NAA50: variants seen among roughly 807,000 people sequenced by gnomAD.
NAA50 encodes the protein N-alpha-acetyltransferase 50.
A neutral mutation model predicts 20.7 loss-of-function variants in NAA50; 7 were observed. That is an observed-to-expected ratio of 0.34 (90% CI 0.19 to 0.63). The LOEUF (loss-of-function observed/expected upper bound fraction) is 0.63, where lower values mean the gene tolerates loss of function less well. Among genes scored for constraint, NAA50 ranks in the 30% least tolerant of loss-of-function variants. NAA50 has a pLI of 0.75. For missense variants in NAA50, 111 were observed against 199.1 expected (o/e 0.56, Z 2.66); for synonymous variants, 54 against 70.6 (o/e 0.77, Z 1.18).
chr3:113,723,718 T>A (rs1425853700), intron 2 of NAA50, 177 bp from the exon 3 acceptor site: 5 of 829,944 alleles, frequency 6.0e-6, no homozygotes, highest in Non-Finnish European at 8.8e-6. Flanking sequence ...TCCTCTAGAG[T>A]ATAGCTTAAA....
At chr3:113,742,425 C>CTTTTTT (rs770744656) in intron 1 of NAA50, among the ~76,000 whole-genome samples, 2 of 130,214 alleles carry the variant, frequency 1.5e-5, no homozygotes, top group African/African-American at 2.9e-5. Flanking sequence ...GCATGCCTGG[C>CTTTTTT]TTTTTTTTTT....
chr3:113,725,625 G>C (rs1708189772), intron 1 of NAA50, among the ~76,000 whole-genome samples: 1 of 152,050 alleles, frequency 6.6e-6, no homozygotes, highest in African/African-American at 2.4e-5. Flanking sequence ...ACTTAACCAG[G>C]TGTGGTGGCG....
Position 113,718,380 on chromosome 3 carries a change from G to C in NAA50, c.*3380C>G, listed in dbSNP as rs1452949955. ...CCAGTTAAGCAGCTCCTAGATTCCT[G>C]ATCCAGAACTGTGGAAGGTAATACT... On this transcript the variant is annotated 3_prime_UTR_variant, in exon 5 of 5. Coordinates refer to ENST00000240922, the MANE Select transcript of NAA50 (RefSeq NM_025146.4). 1 of 152,160 alleles carries C rather than the reference G, an allele frequency of 6.6e-6. No individual in the cohort carries two copies. The highest frequency in any genetic ancestry group is 1.9e-4 in the East Asian group (1 of 5,198). The allele number at this position is 152,160 out of a possible 1,614,324, so 9.4% of individuals were successfully genotyped here. A position where few individuals can be genotyped will look rare whatever the true frequency, so the allele number is the denominator to read the frequency against.
intron 1 of NAA50, among the ~76,000 whole-genome samples, chr3:113,727,562 G>C (rs550830105): frequency 6.7e-6 from 1 of 149,736 alleles, no homozygotes; most frequent in Admixed American, 6.6e-5. Flanking sequence ...CCTAAATAGA[G>C]AAAACAATAT....
intron 1 of NAA50, among the ~76,000 whole-genome samples, chr3:113,742,158 A>C (rs940999846): frequency 2.6e-5 from 4 of 152,252 alleles, no homozygotes; most frequent in Admixed American, 6.5e-5. Flanking sequence ...AGAAGGAAGA[A>C]GTATAAACTG....
At chr3:113,741,215 C>T in intron 1 of NAA50, 1 of 470,566 alleles carries the variant, frequency 2.1e-6, no homozygotes, top group Non-Finnish European at 4.2e-6. Flanking sequence ...AGCTGCCCAG[C>T]ATTCCTGCTC....
intron 1 of NAA50, among the ~76,000 whole-genome samples, chr3:113,745,210 G>A (rs1490313384): frequency 1.3e-5 from 2 of 152,166 alleles, no homozygotes; most frequent in Admixed American, 6.5e-5. Context: ...GTGAAAGACC[G>A]AACATTAACT....
chr3:113,723,013 C>G lies in NAA50; in HGVS notation c.266-41G>C, dbSNP rs749909434. ...ATAACAAACACGTGACTTCATAAAT[C>G]AACCTTTAAATTATGTATCTATCCA... On this transcript the variant is annotated intron_variant, in intron 3 of 4. Coordinates refer to ENST00000240922, the MANE Select transcript of NAA50 (RefSeq NM_025146.4). 21 of 1,484,186 alleles carry G rather than the reference C, an allele frequency of 1.4e-5. No homozygotes were observed. In the East Asian group the frequency reaches 5.0e-4, roughly 35 times the overall value. 91.9% of individuals were successfully genotyped at this position (1,484,186 alleles called of 1,614,324 possible).
rs1451060957 is a variant in NAA50 at position 113,721,660 on chromosome 3, GA to G, written c.*99del. On this transcript the variant is annotated 3_prime_UTR_variant, in exon 5 of 5. Transcript: ENST00000240922. ...AAAGAAAAACAAGAACAAGGAGGGA[GA>G]AAAGCTTTAAAAGAAAAGTGTTGGG... 3.2e-6 allele frequency: 4 copies of G among 1,265,912 alleles called. No homozygotes were observed. The highest frequency in any genetic ancestry group is 4.5e-6 in the Non-Finnish European group (4 of 889,070). The allele number at this position is 1,265,912 out of a possible 1,614,324, so 78.4% of individuals were successfully genotyped here. A position where few individuals can be genotyped will look rare whatever the true frequency, so the allele number is the denominator to read the frequency against.
rs1293944645 is a variant in NAA50 at position 113,719,175 on chromosome 3, T to C, written c.*2585A>G. ...CATGGTTTCCCAATAGTTCTCTTTT[T>C]GGAGGACTTTTCAATTGATGAGTAA... On this transcript the variant is annotated 3_prime_UTR_variant, in exon 5 of 5. Coordinates refer to ENST00000240922, the MANE Select transcript of NAA50 (RefSeq NM_025146.4). The C allele has an allele frequency of 1.3e-5, 2 of 152,628 alleles. No homozygotes were observed. Among genetic ancestry groups the C allele is most frequent in the African/African-American group, 4.8e-5 (2 of 41,450 alleles). The allele number at this position is 152,628 out of a possible 1,614,324, so 9.5% of individuals were successfully genotyped here.
chr3:113,718,200 T>C lies in NAA50; in HGVS notation c.*3560A>G, dbSNP rs1473975331. 6.6e-6 allele frequency: 1 copy of C among 152,208 alleles called. No individual in the cohort carries two copies. The highest frequency in any genetic ancestry group is 2.4e-5 in the African/African-American group (1 of 41,450). The allele number at this position is 152,208 out of a possible 1,614,324, so 9.4% of individuals were successfully genotyped here. A position where few individuals can be genotyped will look rare whatever the true frequency, so the allele number is the denominator to read the frequency against. On this transcript the variant is annotated 3_prime_UTR_variant, in exon 5 of 5. Transcript: ENST00000240922. The stretch of plus-strand genomic sequence containing the variant: ...CAAGAGCCACGTGAGCATCAGGCAC[T>C]GTGTGTGATACCCACACAGTGAGGA...
intron 3 of NAA50, among the ~76,000 whole-genome samples, chr3:113,723,221 G>A (rs185477742): frequency 6.6e-6 from 1 of 152,278 alleles, no homozygotes; most frequent in East Asian, 1.9e-4. Flanking sequence ...AGCAGAAGGG[G>A]ACGTAAACAG....
At chr3:113,726,711 T>A (rs1442745531) in intron 1 of NAA50, among the ~76,000 whole-genome samples, 1 of 147,448 alleles carries the variant, frequency 6.8e-6, no homozygotes, top group Non-Finnish European at 1.5e-5. Context: ...ACCACTGTAC[T>A]CCAGCCTGGG....
At chr3:113,742,740 G>T (rs958956764) in intron 1 of NAA50, among the ~76,000 whole-genome samples, 2 of 152,026 alleles carry the variant, frequency 1.3e-5, no homozygotes, top group Non-Finnish European at 2.9e-5. Context: ...AGTCAACATT[G>T]TTCCATATTT....
chr3:113,737,888 T>A (rs1008463086), intron 1 of NAA50, among the ~76,000 whole-genome samples: 1 of 152,186 alleles, frequency 6.6e-6, no homozygotes, highest in African/African-American at 2.4e-5. Flanking sequence ...CAGTTACTGA[T>A]CTAGAGGTTT....
intron 1 of NAA50, among the ~76,000 whole-genome samples, chr3:113,740,067 A>G (rs1327432137): frequency 1.3e-5 from 2 of 152,180 alleles, no homozygotes; most frequent in Admixed American, 6.6e-5. Context: ...GAAATCATTT[A>G]AACATGTAGT....
intron 1 of NAA50, among the ~76,000 whole-genome samples, chr3:113,743,073 T>C (rs570422176): frequency 1.4e-4 from 22 of 152,300 alleles, no homozygotes; most frequent in Non-Finnish European, 2.6e-4. Context: ...AACTTCTACA[T>C]GTGCATATAA....
In NAA50 at chr3:113,719,646, A is replaced by C. The variant is rs1708108120; in HGVS notation, c.*2114T>G. 1 of 152,504 alleles carries C rather than the reference A, an allele frequency of 6.6e-6. No individual in the cohort carries two copies. Among genetic ancestry groups the C allele is most frequent in the African/African-American group, 2.4e-5 (1 of 41,448 alleles). 9.4% of individuals were successfully genotyped at this position (152,504 alleles called of 1,614,324 possible). A position where few individuals can be genotyped will look rare whatever the true frequency, so the allele number is the denominator to read the frequency against. ...AGTCACTGACTACCGTGGAAAAAGAAACTCTATATATAATGATAGGGAGCC... is the reference window on the plus strand; with the variant it reads ...AGTCACTGACTACCGTGGAAAAAGACACTCTATATATAATGATAGGGAGCC... On this transcript the variant is annotated 3_prime_UTR_variant, in exon 5 of 5. Coordinates refer to ENST00000240922, the MANE Select transcript of NAA50 (RefSeq NM_025146.4).
intron 1 of NAA50, among the ~76,000 whole-genome samples, chr3:113,738,691 G>C (rs1289587530): frequency 2.6e-5 from 4 of 152,076 alleles, no homozygotes; most frequent in Non-Finnish European, 2.9e-5. Flanking sequence ...ACTAAAACTT[G>C]GTTGCTTTTA....
Sources: gnomAD v4.1 joint callset for allele counts (sites outside exome capture counted in the v4.1 genomes callset) on GRCh38, gnomAD v4.1.1 for gene constraint, MANE v1.5 for transcripts, NCBI Gene and HGNC (gene_info 2026-07-23, HGNC 2026-07-21) for gene names.